The following ELOVL5 variants were observed in gnomAD, a reference collection of about 807,000 sequenced individuals.
ELOVL5 encodes the protein very long chain fatty acid elongase 5.
In ELOVL5, 8 loss-of-function variants were observed where a neutral mutation model predicts 38.6. The observed-to-expected ratio is 0.21, with a 90% CI of 0.12 to 0.37. ELOVL5 has a LOEUF of 0.37. ELOVL5 is among the 10% of genes least tolerant of loss of function. The probability of loss-of-function intolerance (pLI) is 1.00; values close to 1 mark genes in which losing one functional copy is unlikely to be tolerated. For synonymous variants in ELOVL5, 127 were observed against 133.7 expected, an observed-to-expected ratio of 0.95 and a Z score of 0.34; for missense variants, 280 against 367.8, an observed-to-expected ratio of 0.76 and a Z score of 1.95.
At chr6:53,283,284 C>A (rs965055623) in intron 3 of ELOVL5, among the ~76,000 whole-genome samples, 2 of 152,222 alleles carry the variant, frequency 1.3e-5, no homozygotes, top group Non-Finnish European at 2.9e-5. Context: ...AAATTCAACT[C>A]CTTCCAAAAT....
At chr6:53,288,996 C>A (rs1159994462) in intron 3 of ELOVL5, among the ~76,000 whole-genome samples, 1 of 152,068 alleles carries the variant, frequency 6.6e-6, no homozygotes, top group African/African-American at 2.4e-5. Flanking sequence ...GCCCAGGAGG[C>A]GAGAAGCAGT....
chr6:53,291,530 G>C (rs561008549), intron 3 of ELOVL5, among the ~76,000 whole-genome samples: 2 of 152,034 alleles, frequency 1.3e-5, no homozygotes, highest in Admixed American at 1.3e-4. Context: ...AATATCATAC[G>C]AAACATAATA....
intron 3 of ELOVL5, among the ~76,000 whole-genome samples, chr6:53,285,405 A>G (rs924324061): frequency 6.6e-6 from 1 of 152,236 alleles, no homozygotes; most frequent in Admixed American, 6.5e-5. Flanking sequence ...GCTGCAGAAG[A>G]AAAGCTTGAA....
intron 3 of ELOVL5, among the ~76,000 whole-genome samples, chr6:53,281,043 A>G (rs1034740947): frequency 6.6e-6 from 1 of 152,186 alleles, no homozygotes; most frequent in Admixed American, 6.5e-5. Flanking sequence ...GGTCACTGGA[A>G]ACACTTAAAG....
In ELOVL5 at chr6:53,267,419, T is replaced by C. The variant is rs947362364; in HGVS notation, c.*1708A>G. ...CAGGCACAGGTAATCAAAAATGTTT[T>C]AATGATTACTGTTTAGACATTTAAC... On this transcript the variant is annotated 3_prime_UTR_variant, in exon 8 of 8. Coordinates refer to ENST00000304434, the MANE Select transcript of ELOVL5 (RefSeq NM_021814.5). 3 of 152,394 alleles carry C rather than the reference T, an allele frequency of 2.0e-5. No individual in the cohort carries two copies. Among genetic ancestry groups the C allele is most frequent in the African/African-American group, 7.2e-5 (3 of 41,474 alleles). The allele number at this position is 152,394 out of a possible 1,614,324, so 9.4% of individuals were successfully genotyped here. A position where few individuals can be genotyped will look rare whatever the true frequency, so the allele number is the denominator to read the frequency against.
intron 1 of ELOVL5, among the ~76,000 whole-genome samples, chr6:53,304,307 T>A (rs1412609502): frequency 6.6e-6 from 1 of 152,258 alleles, no homozygotes; most frequent in Non-Finnish European, 1.5e-5. Context: ...GCTAGTTATC[T>A]GGAACTCTAA....
intron 1 of ELOVL5, among the ~76,000 whole-genome samples, chr6:53,313,007 T>C (rs1182867573): frequency 2.6e-5 from 4 of 152,240 alleles, no homozygotes; most frequent in Admixed American, 6.5e-5. Context: ...TTATTCAGAC[T>C]ACTCAGGTGA....
At chr6:53,338,620 C>T (rs1158049919) in intron 1 of ELOVL5, among the ~76,000 whole-genome samples, 2 of 152,096 alleles carry the variant, frequency 1.3e-5, no homozygotes, top group East Asian at 3.9e-4. Flanking sequence ...CTAATGGTTC[C>T]CTTAAAGCCT....
chr6:53,307,069 T>C (rs1767610365), intron 1 of ELOVL5, among the ~76,000 whole-genome samples: 1 of 152,268 alleles, frequency 6.6e-6, no homozygotes. Flanking sequence ...TGACTGCTTT[T>C]CAGGCTACCA....
chr6:53,341,840 C>T (rs1190434110), intron 1 of ELOVL5, among the ~76,000 whole-genome samples: 1 of 152,186 alleles, frequency 6.6e-6, no homozygotes, highest in Non-Finnish European at 1.5e-5. Flanking sequence ...CAGTGCCCCA[C>T]CTAACTTTCA....
intron 1 of ELOVL5, among the ~76,000 whole-genome samples, chr6:53,317,690 T>A (rs1430486702): frequency 6.6e-6 from 1 of 151,896 alleles, no homozygotes; most frequent in African/African-American, 2.4e-5. Context: ...ATATGCCTGA[T>A]GCTAGATGAT....
intron 2 of ELOVL5, chr6:53,294,283 T>A: frequency 6.4e-7 from 1 of 1,562,132 alleles, no homozygotes; most frequent in Non-Finnish European, 8.7e-7. Flanking sequence ...GGTGGCTGGT[T>A]CAGGCAGGGG....
chr6:53,294,650 A>G (rs1028467511), intron 2 of ELOVL5, among the ~76,000 whole-genome samples: 1 of 152,200 alleles, frequency 6.6e-6, no homozygotes, highest in African/African-American at 2.4e-5. Flanking sequence ...CCTTACAGCT[A>G]AAGTAAGGCA....
At chr6:53,281,265 T>G (rs1171987915) in intron 3 of ELOVL5, among the ~76,000 whole-genome samples, 1 of 152,208 alleles carries the variant, frequency 6.6e-6, no homozygotes, top group African/African-American at 2.4e-5. Context: ...TTCAACTACA[T>G]CACAGGACCT....
At chr6:53,341,539 T>C (rs1333077025) in intron 1 of ELOVL5, among the ~76,000 whole-genome samples, 2 of 152,186 alleles carry the variant, frequency 1.3e-5, no homozygotes, top group African/African-American at 2.4e-5. Context: ...ATCTGTAAAA[T>C]TGGGGTCCCT....
intron 1 of ELOVL5, among the ~76,000 whole-genome samples, chr6:53,312,852 T>C (rs1767899048): frequency 6.6e-6 from 1 of 152,228 alleles, no homozygotes; most frequent in African/African-American, 2.4e-5. Flanking sequence ...TTTTGGCACC[T>C]GTAACTGTAA....
intron 1 of ELOVL5, among the ~76,000 whole-genome samples, chr6:53,319,102 T>C (rs1290167284): frequency 1.3e-5 from 2 of 151,152 alleles, no homozygotes; most frequent in African/African-American, 4.9e-5. Context: ...AAACCCCGTC[T>C]CTACTAAAAA....
At chr6:53,313,968 G>A (rs1319949590) in intron 1 of ELOVL5, among the ~76,000 whole-genome samples, 1 of 152,192 alleles carries the variant, frequency 6.6e-6, no homozygotes, top group Non-Finnish European at 1.5e-5. Context: ...ATGTTTCCCA[G>A]AAAAGGCTGA....
intron 2 of ELOVL5, chr6:53,294,468 T>G (rs1468636440): frequency 6.5e-7 from 1 of 1,550,374 alleles, no homozygotes; most frequent in Non-Finnish European, 8.7e-7. Flanking sequence ...GGGGGACCCA[T>G]TCTGAGGACA....
Sources: allele counts gnomAD v4.1 joint callset (sites outside exome capture counted in the v4.1 genomes callset), GRCh38; gene constraint gnomAD v4.1.1; transcripts MANE v1.5; gene names NCBI Gene and HGNC (gene_info 2026-07-23, HGNC 2026-07-21).